UROC1: variants seen among roughly 807,000 people sequenced by gnomAD.
UROC1 encodes the protein urocanate hydratase 1, also known as urocanate hydratase.
In UROC1, 79 loss-of-function variants were observed where a neutral mutation model predicts 89.5. The ratio of observed to expected loss-of-function variants is 0.88; its 90% CI spans 0.74 to 1.06. The LOEUF is 1.06. UROC1 is among the 50% of genes least tolerant of loss of function. UROC1 has a pLI of 0.00. For missense variants in UROC1, 885 were observed against 907.8 expected, an observed-to-expected ratio of 0.97 and a Z score of 0.32; for synonymous variants, 361 against 354.8, an observed-to-expected ratio of 1.02 and a Z score of -0.20.
In UROC1 at chr3:126,482,446, C is replaced by A. The variant is rs1488851821; in HGVS notation, c.1930G>T (p.Glu644Ter). Residue 644 changes from glutamate (E) to a stop codon, truncating the protein, a stop_gained, in exon 20 of 20, where the codon GAG (glutamate) becomes TAG (stop). Transcript: ENST00000290868. LOFTEE classifies it high-confidence loss of function. ...TCCTGCATGGTCTGGCAGATGATCT[C>A]ATAGGCCTTCTGGTTCCCTGACCAG... is the stretch of plus-strand genomic sequence containing the variant. The part of the protein sequence containing the change: ...RCWSGNQKAY[E>*]IICQTMQENS... 1.1e-5 allele frequency: 18 copies of A among 1,613,936 alleles called. No individual in the cohort carries two copies. The highest frequency in any genetic ancestry group is 1.5e-5 in the Non-Finnish European group (18 of 1,180,024).
At chr3:126,490,188 T>C (rs1185413010) in intron 16 of UROC1, among the ~76,000 whole-genome samples, 2 of 152,228 alleles carry the variant, frequency 1.3e-5, no homozygotes, top group Admixed American at 1.3e-4. Context: ...AAAGCATTCA[T>C]GCTGAGTTTG....
chr3:126,489,281 C>T lies in UROC1; in HGVS notation c.1703G>A (p.Cys568Tyr), dbSNP rs1208090936. ...TSNIYDGSAF[C>Y]ADMAVQNFVG... is the part of the protein sequence containing the mutation. ...GACATTCTCATCTTCCTCACCTGCA[C>T]AGAAGGCAGAGCCGTCGTAAATGTT... Residue 568 changes from cysteine (C) to tyrosine (Y), a missense_variant, in exon 17 of 20, where the codon TGT becomes TAT. Transcript: ENST00000290868. The T allele has an allele frequency of 6.2e-7, 1 of 1,613,232 alleles. No homozygotes were observed. Among genetic ancestry groups the T allele is most frequent in the South Asian group, 1.1e-5 (1 of 91,084 alleles).
chr3:126,491,637 C>T (rs542408635), intron 16 of UROC1, among the ~76,000 whole-genome samples: 99 of 152,342 alleles, frequency 6.5e-4, no homozygotes, highest in African/African-American at 2.2e-3. Flanking sequence ...TGACCAGTAA[C>T]ATTCCTGGCA....
chr3:126,489,450 G>A, intron 16 of UROC1, 75 bp from the exon 17 acceptor site: 5 of 1,239,682 alleles, frequency 4.0e-6, no homozygotes, highest in Non-Finnish European at 5.9e-6. Context: ...AGGACAAGGG[G>A]CAGGTCACAC....
chr3:126,510,870 C>T, intron 1 of UROC1, 76 bp from the exon 2 acceptor site: 1 of 1,564,608 alleles, frequency 6.4e-7, no homozygotes. Flanking sequence ...GATGGGCCAT[C>T]CTCCTCCCAA....
chr3:126,502,594 ATGTC>A (rs1935957752), intron 9 of UROC1, among the ~76,000 whole-genome samples: 3 of 143,704 alleles, frequency 2.1e-5, no homozygotes, highest in South Asian at 2.3e-4. Context: ...GCATGTGTGT[ATGTC>A]TGTGTCTGTA....
chr3:126,517,697 C>A lies in UROC1; in HGVS notation c.23G>T (p.Cys8Phe). The change falls in exon 1 of 20, where the codon TGC becomes TTC. Residue 8 changes from cysteine to phenylalanine, a missense_variant. Transcript: ENST00000290868. Reference protein sequence around the residue: MSSLQALCSGLPLRPLPE... With the variant: MSSLQALFSGLPLRPLPE... ...GAGGGGCCGCAGGGGCAGGCCAGAG[C>A]ACAGCGCCTGGAGGCTAGACATGTG... 2 of 1,590,760 alleles carry A rather than the reference C, an allele frequency of 1.3e-6. No individual in the cohort carries two copies. Among genetic ancestry groups the A allele is most frequent in the Non-Finnish European group, 1.7e-6 (2 of 1,169,162 alleles).
chr3:126,499,327 C>A lies in UROC1; in HGVS notation c.1316+10G>T, dbSNP rs1486795129. On this transcript the variant is annotated intron_variant, in intron 13 of 19. Coordinates refer to ENST00000290868, the MANE Select transcript of UROC1 (RefSeq NM_144639.3). ...GGGCACACTAGATGTGGCAGCCGCC[C>A]ATCACTCACCCCATGATGTGCTGCA... The A allele has an allele frequency of 6.2e-7, 1 of 1,610,278 alleles. No individual in the cohort carries two copies.
chr3:126,508,576 G>C lies in UROC1; in HGVS notation c.352-101C>G, dbSNP rs994528616. On this transcript the variant is annotated intron_variant, in intron 3 of 19. Coordinates refer to ENST00000290868, the MANE Select transcript of UROC1 (RefSeq NM_144639.3). Reference sequence around the variant, plus strand: ...CCCCCATCCCCTGGGGGCCCAATGGGACAAGGAGAGAAGCCAGAAGGGTGA... The same window carrying C: ...CCCCCATCCCCTGGGGGCCCAATGGCACAAGGAGAGAAGCCAGAAGGGTGA... 6 of 915,994 alleles carry C rather than the reference G, an allele frequency of 6.6e-6. No individual in the cohort carries two copies. The African/African-American group carries it at 9.9e-5, about 15-fold the overall frequency. 56.7% of individuals were successfully genotyped at this position (915,994 alleles called of 1,614,324 possible). A position where few individuals can be genotyped will look rare whatever the true frequency, so the allele number is the denominator to read the frequency against.
intron 15 of UROC1, among the ~76,000 whole-genome samples, chr3:126,494,522 C>T (rs936390232): frequency 3.9e-5 from 6 of 152,172 alleles, no homozygotes; most frequent in African/African-American, 7.2e-5. Flanking sequence ...CAAACCATTG[C>T]GTATGGATGA....
Position 126,496,056 on chromosome 3 carries a change from C to A in UROC1, c.1491G>T (p.Glu497Asp). 4 of 1,613,400 alleles carry A rather than the reference C, an allele frequency of 2.5e-6. No individual in the cohort carries two copies. Among genetic ancestry groups the A allele is most frequent in the Non-Finnish European group, 3.4e-6 (4 of 1,180,006 alleles). Reference sequence around the variant, plus strand: ...CCCTCACCAGCCGGTGCCTGGCGGCCTCCCGGATCCAGCGGATGTTGTCCA... The same window carrying A: ...CCCTCACCAGCCGGTGCCTGGCGGCATCCCGGATCCAGCGGATGTTGTCCA... ...QYMDNIRWIREAARHRLVVGS... is the reference protein window; with the variant it reads ...QYMDNIRWIRDAARHRLVVGS... Residue 497 changes from glutamate to aspartate, a missense_variant, in exon 15 of 20, where the codon GAG becomes GAT. Coordinates refer to ENST00000290868, the MANE Select transcript of UROC1 (RefSeq NM_144639.3).
chr3:126,504,137 T>C (rs1936002265), intron 8 of UROC1, 54 bp from the exon 9 acceptor site: 2 of 1,580,860 alleles, frequency 1.3e-6, no homozygotes, highest in Non-Finnish European at 1.7e-6. Flanking sequence ...GTTACAAATC[T>C]TCCCTAAGTG....
At chr3:126,499,678 G>T (rs528804546) in intron 12 of UROC1, among the ~76,000 whole-genome samples, 2 of 152,238 alleles carry the variant, frequency 1.3e-5, no homozygotes, top group Non-Finnish European at 1.5e-5. Context: ...GGGCTGGGGG[G>T]GCTTCCCACT....
At position 126,500,681 on chromosome 3, in the gene UROC1, A is replaced by G; in HGVS notation, c.1145+14T>C. The G allele has an allele frequency of 1.2e-6, 2 of 1,613,830 alleles. No homozygotes were observed. Among genetic ancestry groups the G allele is most frequent in the Non-Finnish European group, 1.7e-6 (2 of 1,179,976 alleles). On this transcript the variant is annotated intron_variant, in intron 11 of 19. Transcript: ENST00000290868. ...AGGCCAAATGCTTCTGCCACCCCCA[A>G]CTCCAAGTAGCACCTTTCCTGGACC...
chr3:126,504,011 A>T lies in UROC1; in HGVS notation c.886T>A (p.Cys296Ser), dbSNP rs1456431938. ...GAGCTGTACCTGAGCCTCTGGATGC[A>T]GCGGTCCAAGCTGTCAGTCACTTCC... ...LMEVTDSLDRCIQRLREARKK... is the reference protein window; with the variant it reads ...LMEVTDSLDRSIQRLREARKK... Residue 296 changes from cysteine (C) to serine (S), a missense_variant, in exon 9 of 20, where the codon TGC (cysteine) becomes AGC (serine). By Grantham distance (112) the Cys-to-Ser change is moderately radical (BLOSUM62 -1). Transcript: ENST00000290868. 1 of 1,614,120 alleles carries T rather than the reference A, an allele frequency of 6.2e-7. No individual in the cohort carries two copies. The highest frequency in any genetic ancestry group is 8.5e-7 in the Non-Finnish European group (1 of 1,180,022).
At position 126,504,066 on chromosome 3, in the gene UROC1, A is replaced by G. The variant is rs1322620346; in HGVS notation, c.831T>C (p.Leu277=). ...GCCAGCCCTGCCTGTGGCGTTTCTC[A>G]AGGGCTGCTTTATCCACCTGGGGCC... ...GVIAEVDKAA[L]EKRHRQGWLM... is the part of the protein sequence containing the mutation. Residue 277 remains leucine, a synonymous_variant, in exon 9 of 20, where the codon CTT becomes CTC. Transcript: ENST00000290868. 6.2e-7 allele frequency: 1 copy of G among 1,613,350 alleles called. No homozygotes were observed. The highest frequency in any genetic ancestry group is 1.7e-5 in the Admixed American group (1 of 59,986).
chr3:126,505,428 G>A (rs1372079259), intron 8 of UROC1, among the ~76,000 whole-genome samples: 4 of 152,076 alleles, frequency 2.6e-5, no homozygotes, highest in African/African-American at 4.8e-5. Flanking sequence ...ATAAATAGAC[G>A]GTCAGAGTTT....
At chr3:126,501,686 A>G in intron 9 of UROC1, 1 of 1,294,514 alleles carries the variant, frequency 7.7e-7, no homozygotes, top group Non-Finnish European at 1.1e-6. Context: ...AAATCAAAGC[A>G]TATTTTGGGA....
At position 126,499,392 on chromosome 3, in the gene UROC1, T is replaced by A. The variant is rs1420322198; in HGVS notation, c.1261A>T (p.Lys421Ter). Residue 421 changes from lysine (K) to a stop codon, truncating the protein, a stop_gained, in exon 13 of 20, where the codon AAA becomes TAA. Coordinates refer to ENST00000290868, the MANE Select transcript of UROC1 (RefSeq NM_144639.3). LOFTEE classifies it high-confidence loss of function. ...AQRAGADVEK[K>*]GAGRTEFRYP... ...CGGAACTCTGTCCTGCCAGCACCTT[T>A]CTTCTCCACATCCGCTCCTGTGGGC... The A allele has an allele frequency of 1.9e-6, 3 of 1,612,672 alleles. No homozygotes were observed. The highest frequency in any genetic ancestry group is 2.5e-6 in the Non-Finnish European group (3 of 1,179,764).
Sources: allele counts gnomAD v4.1 joint callset (sites outside exome capture counted in the v4.1 genomes callset), GRCh38; gene constraint gnomAD v4.1.1; transcripts MANE v1.5; gene names NCBI Gene and HGNC (gene_info 2026-07-23, HGNC 2026-07-21).